The following APCDD1L variants were observed in gnomAD, a reference collection of about 807,000 sequenced individuals.
APCDD1L encodes the protein APC down-regulated 1 like.
APCDD1L carries 21 observed loss-of-function variants against 24.2 expected under a neutral mutation model. That is an observed-to-expected ratio of 0.87 (90% CI 0.61 to 1.25). The LOEUF (loss-of-function observed/expected upper bound fraction) is 1.25. Among genes scored for constraint, APCDD1L ranks in the 50% most tolerant of loss-of-function variants. The pLI is 0.00. For missense variants in APCDD1L, 704 were observed against 711.7 expected, an observed-to-expected ratio of 0.99 and a Z score of 0.12; for synonymous variants, 321 against 323.6, an observed-to-expected ratio of 0.99 and a Z score of 0.09.
chr20:58,491,889 A>G (rs1436878165), intron 1 of APCDD1L, among the ~76,000 whole-genome samples: 2 of 152,240 alleles, frequency 1.3e-5, no homozygotes, highest in Non-Finnish European at 2.9e-5. Flanking sequence ...GACCAAAACA[A>G]TAGAACAGAG....
At chr20:58,466,041 C>G (rs1989698357) in intron 3 of APCDD1L, among the ~76,000 whole-genome samples, 1 of 149,026 alleles carries the variant, frequency 6.7e-6, no homozygotes, top group Non-Finnish European at 1.5e-5. Context: ...GGTCCACACC[C>G]TTGTAGGAGC....
intron 1 of APCDD1L, among the ~76,000 whole-genome samples, chr20:58,493,850 TA>T: frequency 6.6e-6 from 1 of 152,292 alleles, no homozygotes; most frequent in African/African-American, 2.4e-5. Flanking sequence ...ACACCAGAGT[TA>T]GGGGCACCAG....
Position 58,460,974 on chromosome 20 carries a change from G to A in APCDD1L, c.1322C>T (p.Pro441Leu). 2 of 1,614,158 alleles carry A rather than the reference G, an allele frequency of 1.2e-6. No individual in the cohort carries two copies. Reference sequence around the variant, plus strand: ...TTGGTAGGAGGTGGGACGTTTCTCTGGGGTATCGGGACTTGAGCCATCGGT... The same window carrying A: ...TTGGTAGGAGGTGGGACGTTTCTCTAGGGTATCGGGACTTGAGCCATCGGT... ...RPTDGSSPDTPEKRPTSYQAP... is the reference protein window; with the variant it reads ...RPTDGSSPDTLEKRPTSYQAP... Residue 441 changes from proline to leucine, a missense_variant, in exon 4 of 4, where the codon CCA (proline) becomes CTA (leucine). By Grantham distance (98) the Pro-to-Leu change is moderately conservative. Coordinates refer to ENST00000371149, the MANE Select transcript of APCDD1L (RefSeq NM_153360.3). The surrounding 1 kb of genome is among the most constrained non-coding windows in gnomAD (Gnocchi z 4.2).
chr20:58,500,246 A>T (rs1223752575), intron 1 of APCDD1L, among the ~76,000 whole-genome samples: 2 of 152,168 alleles, frequency 1.3e-5, no homozygotes, highest in African/African-American at 4.8e-5. Flanking sequence ...ACAGTTTCCC[A>T]TTGACACAAA....
chr20:58,490,515 C>T (rs1388346331), intron 1 of APCDD1L, among the ~76,000 whole-genome samples: 2 of 152,220 alleles, frequency 1.3e-5, no homozygotes, highest in Admixed American at 6.5e-5. Flanking sequence ...AACACACAAA[C>T]TTACGGCACT....
intron 1 of APCDD1L, chr20:58,514,061 C>T: frequency 1.1e-6 from 1 of 873,106 alleles, no homozygotes; most frequent in Middle Eastern, 5.0e-4. Context: ...CACGAAGAGC[C>T]ACCAGGGAAC....
Position 58,467,457 on chromosome 20 carries a change from G to A in APCDD1L, c.390C>T (p.His130=). 6.3e-7 allele frequency: 1 copy of A among 1,593,054 alleles called. No homozygotes were observed. The change falls in exon 3 of 4, where the codon CAC becomes CAT. Residue 130 remains histidine, a synonymous_variant. Coordinates refer to ENST00000371149, the MANE Select transcript of APCDD1L (RefSeq NM_153360.3). The surrounding 1 kb of genome is among the most constrained non-coding windows in gnomAD (Gnocchi z 5.9). The part of the protein sequence containing the change: ...RGATEADYHL[H]KVGIVFHSRR... ...GGCTGTGGAAGACGATGCCCACCTT[G>A]TGCAGGTGGTAGTCGGCCTCGGTGG... is the stretch of plus-strand genomic sequence containing the variant.
chr20:58,470,844 C>T, intron 1 of APCDD1L, 97 bp from the exon 2 acceptor site: 1 of 1,444,118 alleles, frequency 6.9e-7, no homozygotes, highest in Non-Finnish European at 9.1e-7. Context: ...GAGAGCCAGG[C>T]AGGGCTGTCC....
chr20:58,506,780 T>TA (rs967579181), intron 1 of APCDD1L, among the ~76,000 whole-genome samples: 3 of 152,250 alleles, frequency 2.0e-5, no homozygotes, highest in Non-Finnish European at 2.9e-5. Context: ...CCATGTTATA[T>TA]AAACAGTCAG....
intron 1 of APCDD1L, among the ~76,000 whole-genome samples, chr20:58,471,075 C>T (rs1989803762): frequency 6.6e-6 from 1 of 152,194 alleles, no homozygotes; most frequent in African/African-American, 2.4e-5. Context: ...CTCTTAGAAG[C>T]CCAGACCTTC....
In APCDD1L at chr20:58,459,224, C is replaced by T. The variant is rs1199471491; in HGVS notation, c.*1566G>A. 6.6e-6 allele frequency: 1 copy of T among 152,236 alleles called. No homozygotes were observed. The allele number at this position is 152,236 out of a possible 1,614,324, so 9.4% of individuals were successfully genotyped here. A position where few individuals can be genotyped will look rare whatever the true frequency, so the allele number is the denominator to read the frequency against. On this transcript the variant is annotated 3_prime_UTR_variant, in exon 4 of 4. Coordinates refer to ENST00000371149, the MANE Select transcript of APCDD1L (RefSeq NM_153360.3). ...ACATATCATCGACACCCACTGCCAT[C>T]CCCACCAGGAGCTCCCCCAACCCTG... is the stretch of plus-strand genomic sequence containing the variant.
intron 1 of APCDD1L, among the ~76,000 whole-genome samples, chr20:58,493,655 TA>T (rs549820440): frequency 2.4e-4 from 36 of 150,488 alleles, no homozygotes; most frequent in Non-Finnish European, 4.9e-4. Flanking sequence ...CAAGCACAGC[TA>T]AAAAAAATAC....
At chr20:58,492,135 T>C (rs1181217609) in intron 1 of APCDD1L, among the ~76,000 whole-genome samples, 1 of 152,236 alleles carries the variant, frequency 6.6e-6, no homozygotes, top group Non-Finnish European at 1.5e-5. Context: ...AAGAATATCT[T>C]ATGACCGCGA....
chr20:58,495,943 T>C (rs965341351), intron 1 of APCDD1L, among the ~76,000 whole-genome samples: 110 of 152,286 alleles, frequency 7.2e-4, no homozygotes, highest in African/African-American at 2.4e-3. Context: ...TGGGCCCCTG[T>C]GCCCACATCC....
At chr20:58,483,648 G>A (rs1990066194) in intron 1 of APCDD1L, among the ~76,000 whole-genome samples, 1 of 152,214 alleles carries the variant, frequency 6.6e-6, no homozygotes, top group Non-Finnish European at 1.5e-5. Flanking sequence ...CCAAATGGCC[G>A]GAATGGCACC....
intron 1 of APCDD1L, among the ~76,000 whole-genome samples, chr20:58,502,952 A>C (rs1039768892): frequency 6.6e-6 from 1 of 152,192 alleles, no homozygotes; most frequent in African/African-American, 2.4e-5. Context: ...CCCCGTCAGC[A>C]ACAATAATGA....
chr20:58,500,423 C>T (rs1990411111), intron 1 of APCDD1L, among the ~76,000 whole-genome samples: 1 of 152,152 alleles, frequency 6.6e-6, no homozygotes, highest in Non-Finnish European at 1.5e-5. Context: ...GGGGTCATAT[C>T]CGGCCCCGCT....
chr20:58,470,584 T>A (rs1292220794), intron 2 of APCDD1L, 25 bp downstream of exon 2: 28 of 1,574,186 alleles, frequency 1.8e-5, no homozygotes, highest in Non-Finnish European at 2.3e-5. Context: ...CAGGGGTCCA[T>A]GGTCAGGATG....
intron 1 of APCDD1L, among the ~76,000 whole-genome samples, chr20:58,501,326 G>T (rs1990433755): frequency 2.6e-5 from 4 of 152,186 alleles, no homozygotes; most frequent in Admixed American, 2.6e-4. Flanking sequence ...TTAAGGAGGT[G>T]ATTAAGTCAA....
Sources: allele counts gnomAD v4.1 joint callset (sites outside exome capture counted in the v4.1 genomes callset), GRCh38; gene constraint gnomAD v4.1.1; non-coding constraint Gnocchi (gnomAD v3.1); transcripts MANE v1.5; gene names NCBI Gene and HGNC (gene_info 2026-07-23, HGNC 2026-07-21).